Variants in LRBA observed in about 807,000 individuals in gnomAD.
The protein encoded by LRBA is LPS responsive beige-like anchor protein, also known as lipopolysaccharide-responsive and beige-like anchor protein.
In LRBA, 176 loss-of-function variants were observed where a neutral mutation model predicts 330.0. The ratio of observed to expected loss-of-function variants is 0.53; its 90% confidence interval spans 0.47 to 0.60. The LOEUF is 0.60. Among genes scored for constraint, LRBA ranks in the 20% least tolerant of loss-of-function variants. The pLI, the probability that LRBA is intolerant of heterozygous loss-of-function variation, is 0.00. For missense variants in LRBA, 3,259 were observed against 3,444.8 expected, an observed-to-expected ratio of 0.95 and a Z score of 1.35; for synonymous variants, 1,230 against 1,193.0, an observed-to-expected ratio of 1.03 and a Z score of -0.64.
intron 15 of LRBA, among the ~76,000 whole-genome samples, chr4:150,896,929 T>C (rs1239528886): frequency 6.6e-6 from 1 of 151,302 alleles, no homozygotes; most frequent in East Asian, 1.9e-4. Flanking sequence ...CTTCTAAATA[T>C]GAGCTCGTTA....
At chr4:150,548,102 C>T (rs1201483339) in intron 40 of LRBA, among the ~76,000 whole-genome samples, 1 of 152,086 alleles carries the variant, frequency 6.6e-6, no homozygotes, top group Admixed American at 6.6e-5. Flanking sequence ...ATTTGTGCAG[C>T]CTTAAAGCAG....
chr4:150,338,994 C>CAA (rs764398501), intron 48 of LRBA, among the ~76,000 whole-genome samples: 1 of 149,794 alleles, frequency 6.7e-6, no homozygotes, highest in Non-Finnish European at 1.5e-5. Context: ...CACACACACA[C>CAA]AAGTAGTGAA....
chr4:150,877,650 T>C (rs1427204317), intron 17 of LRBA, among the ~76,000 whole-genome samples: 4 of 152,218 alleles, frequency 2.6e-5, no homozygotes, highest in Non-Finnish European at 5.9e-5. Context: ...AAATAAATTC[T>C]GGACATAAAT....
At chr4:150,699,393 T>C (rs901492004) in intron 36 of LRBA, among the ~76,000 whole-genome samples, 3 of 152,164 alleles carry the variant, frequency 2.0e-5, no homozygotes, top group Non-Finnish European at 4.4e-5. Flanking sequence ...GAGAGGTCTA[T>C]GTCCACGCTT....
chr4:150,598,925 T>G, intron 38 of LRBA, 82 bp downstream of exon 38: 1 of 1,522,722 alleles, frequency 6.6e-7, no homozygotes, highest in Non-Finnish European at 9.0e-7. Flanking sequence ...CATTTTACAG[T>G]GCCTTGTAAT....
chr4:150,952,072 C>CT (rs1736891344), intron 2 of LRBA, among the ~76,000 whole-genome samples: 2 of 152,188 alleles, frequency 1.3e-5, no homozygotes, highest in Non-Finnish European at 2.9e-5. Flanking sequence ...GTCCAGAACA[C>CT]TAAGTGTCCA....
In LRBA at chr4:150,871,787, C is replaced by T. The variant is rs377523672; in HGVS notation, c.2259-334G>A. 3.9e-5 allele frequency among the ~76,000 whole-genome samples: 6 copies of T among 152,194 alleles called. No individual in the cohort carries two copies. In the East Asian group the frequency reaches 1.2e-3, roughly 29 times the overall value. Reference sequence around the variant, plus strand: ...CAATCTACCAGCACTAACTTAGTCTCCCCTGGGGATGATCATCTAAAGCAC... The same window carrying T: ...CAATCTACCAGCACTAACTTAGTCTTCCCTGGGGATGATCATCTAAAGCAC... On this transcript the variant is annotated intron_variant, in intron 18 of 56. Transcript: ENST00000651943.
At chr4:150,660,522 G>C (rs550402477) in intron 37 of LRBA, among the ~76,000 whole-genome samples, 142 of 151,496 alleles carry the variant, frequency 9.4e-4, no homozygotes, top group Admixed American at 6.9e-3. Flanking sequence ...CCCTGTCCGG[G>C]AGGTGAGGGG....
At chr4:150,929,337 A>G (rs1032256903) in intron 2 of LRBA, among the ~76,000 whole-genome samples, 2 of 152,204 alleles carry the variant, frequency 1.3e-5, no homozygotes, top group Admixed American at 6.5e-5. Flanking sequence ...CCTGTTACCA[A>G]TAAAGATCTA....
chr4:150,291,051 AC>A (rs1728225544), intron 53 of LRBA, among the ~76,000 whole-genome samples: 1 of 149,476 alleles, frequency 6.7e-6, no homozygotes, highest in South Asian at 2.2e-4. Context: ...GGTGCGCTGC[AC>A]CCACTAACTC....
chr4:150,729,878 GAACA>G (rs1560740268), intron 36 of LRBA, among the ~76,000 whole-genome samples: 1 of 152,112 alleles, frequency 6.6e-6, no homozygotes, highest in Non-Finnish European at 1.5e-5. Flanking sequence ...AAGGTGCCAA[GAACA>G]AACATTGGAG....
chr4:150,840,778 C>A, intron 28 of LRBA: 1 of 339,114 alleles, frequency 2.9e-6, no homozygotes, highest in Non-Finnish European at 4.6e-6. Flanking sequence ...ACAGAGTTGC[C>A]AAAAACCATC....
chr4:150,612,656 T>C (rs911506504), intron 37 of LRBA, among the ~76,000 whole-genome samples: 1 of 152,220 alleles, frequency 6.6e-6, no homozygotes, highest in Non-Finnish European at 1.5e-5. Flanking sequence ...TTAATTATAT[T>C]CATTTACAAA....
In LRBA at chr4:150,908,732, C is replaced by T; in HGVS notation, c.1287G>A (p.Gln429=). The T allele has an allele frequency of 6.2e-7, 1 of 1,614,004 alleles. No homozygotes were observed. Among genetic ancestry groups the T allele is most frequent in the African/African-American group, 1.3e-5 (1 of 75,060 alleles). Residue 429 remains glutamine, a synonymous_variant, in exon 10 of 57, where the codon CAG becomes CAA. Coordinates refer to ENST00000651943, the MANE Select transcript of LRBA (RefSeq NM_001364905.1). ...CCTTAGGAGATGATTCAAGACAAAG[C>T]TGGGCATCTGTAGCCCGTGGATTGT... ...FTYNPRATDA[Q]LCLESSPKDN...
Position 150,972,233 on chromosome 4 carries a change from C to T in LRBA, c.216+42194G>A, listed in dbSNP as rs541267985. Among the ~76,000 whole-genome samples the T allele has an allele frequency of 2.6e-5, 4 of 152,178 alleles. No individual in the cohort carries two copies. In the South Asian group the frequency reaches 8.3e-4, roughly 32 times the overall value. ...TTGTACATATATCCTAAAAAGTTAA[C>T]AAGGGTTTTAAACAAACAGATATAC... On this transcript the variant is annotated intron_variant, in intron 2 of 56. Coordinates refer to ENST00000651943, the MANE Select transcript of LRBA (RefSeq NM_001364905.1).
At chr4:150,803,083 T>TATACACACACATATACACAC (rs748531851) in intron 33 of LRBA, among the ~76,000 whole-genome samples, 1 of 128,480 alleles carries the variant, frequency 7.8e-6, no homozygotes, top group African/African-American at 3.0e-5. Flanking sequence ...AAAATATATA[T>TATACACACACATATACACAC]ACACACACAC....
chr4:150,408,182 C>A (rs1746467867), intron 47 of LRBA, among the ~76,000 whole-genome samples: 1 of 151,836 alleles, frequency 6.6e-6, no homozygotes, highest in Admixed American at 6.6e-5. Flanking sequence ...AAGATAACAC[C>A]AATTACCAAA....
intron 2 of LRBA, among the ~76,000 whole-genome samples, chr4:150,982,806 A>C (rs2149608036): frequency 6.6e-6 from 1 of 152,336 alleles, no homozygotes; most frequent in East Asian, 1.9e-4. Context: ...TCAGGAGACT[A>C]TGAATGTAAT....
In LRBA at chr4:150,871,439, A is replaced by C; in HGVS notation, c.2273T>G (p.Val758Gly). 6.2e-7 allele frequency: 1 copy of C among 1,607,704 alleles called. No homozygotes were observed. Among genetic ancestry groups the C allele is most frequent in the Non-Finnish European group, 8.5e-7 (1 of 1,174,602 alleles). The change falls in exon 19 of 57, where the codon GTC becomes GGC. Residue 758 changes from valine to glycine, a missense_variant. Val to Gly is a moderately radical substitution (Grantham distance 109). Transcript: ENST00000651943. ...TGAAAACAATCCATGTCCAAGCATGACTTCTGCTTTCCTCCTGCAATTACA... is the reference window on the plus strand; with the variant it reads ...TGAAAACAATCCATGTCCAAGCATGCCTTCTGCTTTCCTCCTGCAATTACA... ...KHLAPKRKAE[V>G]MLGHGLFSLL...
Sources: allele counts gnomAD v4.1 joint callset (sites outside exome capture counted in the v4.1 genomes callset), GRCh38; gene constraint gnomAD v4.1.1; transcripts MANE v1.5; gene names NCBI Gene and HGNC (gene_info 2026-07-23, HGNC 2026-07-21).